Variants in KCNH5 observed in about 807,000 individuals in gnomAD.
The protein encoded by KCNH5 is potassium voltage-gated channel subfamily H member 5, also known as voltage-gated delayed rectifier potassium channel KCNH5.
In KCNH5, 46 loss-of-function variants were observed where a neutral mutation model predicts 96.1. The observed-to-expected ratio is 0.48, with a 90% CI of 0.38 to 0.61. KCNH5 has a LOEUF of 0.61. KCNH5 is among the 20% of genes least tolerant of loss of function. The probability of loss-of-function intolerance (pLI) is 0.00; values close to 1 mark genes in which losing one functional copy is unlikely to be tolerated. For missense variants in KCNH5, 907 were observed against 1,225.8 expected, an observed-to-expected ratio of 0.74 and a Z score of 3.88; for synonymous variants, 439 against 449.8, an observed-to-expected ratio of 0.98 and a Z score of 0.30.
chr14:62,851,851 C>T (rs1257616980), intron 7 of KCNH5, among the ~76,000 whole-genome samples: 1 of 152,078 alleles, frequency 6.6e-6, no homozygotes, highest in Non-Finnish European at 1.5e-5. Context: ...TGTCTTATTA[C>T]TGCCTTCTAG....
intron 9 of KCNH5, among the ~76,000 whole-genome samples, chr14:62,799,210 A>G (rs1179392875): frequency 1.3e-5 from 2 of 152,192 alleles, no homozygotes; most frequent in East Asian, 3.9e-4. Context: ...GCAAGGAGAC[A>G]TAGATAAAAC....
intron 10 of KCNH5, among the ~76,000 whole-genome samples, chr14:62,708,876 T>C (rs1012701359): frequency 6.6e-6 from 1 of 152,218 alleles, no homozygotes; most frequent in Non-Finnish European, 1.5e-5. Context: ...ATCCCTTAAA[T>C]TTCTCTGTAA....
intron 7 of KCNH5, among the ~76,000 whole-genome samples, chr14:62,945,310 A>G (rs1889865678): frequency 6.6e-6 from 1 of 152,140 alleles, no homozygotes; most frequent in Admixed American, 6.6e-5. Flanking sequence ...CCCCAAAGGA[A>G]GACAATGCAG....
At position 62,906,322 on chromosome 14, in the gene KCNH5, G is replaced by A. The variant is rs189824360; in HGVS notation, c.1369+43811C>T. On this transcript the variant is annotated intron_variant, in intron 7 of 10. Transcript: ENST00000322893. ...ACACAGACAGACACGCACATACTTG[G>A]TGCTGTGAGAATATAGAAAAGGTTG... Among the ~76,000 whole-genome samples the A allele has an allele frequency of 1.3e-3, 204 of 152,244 alleles. 1 individual carries two copies. The highest frequency in any genetic ancestry group is 8.1e-3 in the East Asian group (42 of 5,160).
At chr14:62,929,915 T>C (rs1393087602) in intron 7 of KCNH5, among the ~76,000 whole-genome samples, 1 of 152,064 alleles carries the variant, frequency 6.6e-6, no homozygotes, top group Non-Finnish European at 1.5e-5. Context: ...GTAATTCACT[T>C]AGGATCACAG....
At chr14:62,847,726 C>T (rs530755642) in intron 8 of KCNH5, among the ~76,000 whole-genome samples, 1 of 152,226 alleles carries the variant, frequency 6.6e-6, no homozygotes, top group Non-Finnish European at 1.5e-5. Flanking sequence ...ATTAGTCTCC[C>T]CATATTCGTT....
intron 7 of KCNH5, among the ~76,000 whole-genome samples, chr14:62,915,054 T>C (rs1156479204): frequency 6.6e-6 from 1 of 152,232 alleles, no homozygotes; most frequent in Non-Finnish European, 1.5e-5. Context: ...ATCAGACCAA[T>C]GCACCACAGG....
At chr14:62,734,135 G>A (rs1035324272) in intron 10 of KCNH5, among the ~76,000 whole-genome samples, 2 of 152,050 alleles carry the variant, frequency 1.3e-5, no homozygotes, top group Non-Finnish European at 2.9e-5. Flanking sequence ...TCAATCTGAA[G>A]TCTAAGCTAT....
At chr14:62,851,490 G>A (rs8020359) in intron 7 of KCNH5, among the ~76,000 whole-genome samples, 1 of 134,628 alleles carries the variant, frequency 7.4e-6, no homozygotes, top group African/African-American at 2.6e-5. Flanking sequence ...AGATATAGAG[G>A]TCTTTCCTAA....
chr14:62,994,441 A>G (rs1890869815), intron 4 of KCNH5, among the ~76,000 whole-genome samples: 1 of 152,084 alleles, frequency 6.6e-6, no homozygotes, highest in African/African-American at 2.4e-5. Context: ...GATAACTGAC[A>G]GAATGGATTT....
chr14:62,859,685 G>A (rs1397095868), intron 7 of KCNH5, among the ~76,000 whole-genome samples: 1 of 152,208 alleles, frequency 6.6e-6, no homozygotes, highest in African/African-American at 2.4e-5. Context: ...TCCATGCAAA[G>A]TGCATAACCA....
intron 7 of KCNH5, among the ~76,000 whole-genome samples, chr14:62,906,526 C>T (rs1219172358): frequency 6.6e-6 from 1 of 152,100 alleles, no homozygotes; most frequent in Non-Finnish European, 1.5e-5. Context: ...TGAGAATAAT[C>T]TATCTTCCTT....
intron 10 of KCNH5, among the ~76,000 whole-genome samples, chr14:62,754,462 A>T (rs1291670569): frequency 6.6e-6 from 1 of 151,982 alleles, no homozygotes; most frequent in African/African-American, 2.4e-5. Context: ...TGAAGGGATG[A>T]TTAAAAAAAA....
At chr14:62,970,044 TAAAAAAAAAAA>T (rs373852520) in intron 6 of KCNH5, among the ~76,000 whole-genome samples, 2 of 30,406 alleles carry the variant, frequency 6.6e-5, no homozygotes, top group African/African-American at 1.2e-4. Flanking sequence ...AGACTCCGTC[TAAAAAAAAAAA>T]AAAAAAAAAA....
chr14:62,888,986 T>C (rs995959529), intron 7 of KCNH5, among the ~76,000 whole-genome samples: 2 of 152,198 alleles, frequency 1.3e-5, no homozygotes, highest in African/African-American at 2.4e-5. Context: ...GTCAAATTTA[T>C]CCTTAAGTGC....
intron 10 of KCNH5, among the ~76,000 whole-genome samples, chr14:62,712,959 G>C (rs369476157): frequency 5.9e-5 from 9 of 152,088 alleles, no homozygotes; most frequent in Admixed American, 2.0e-4. Flanking sequence ...TACCTTTATG[G>C]AAGGCAGGGA....
chr14:62,942,871 T>A (rs1028505582), intron 7 of KCNH5, among the ~76,000 whole-genome samples: 1 of 152,218 alleles, frequency 6.6e-6, no homozygotes, highest in Non-Finnish European at 1.5e-5. Context: ...AAGACTCAGT[T>A]TGCATTGCAT....
At chr14:63,031,703 C>T (rs1300265008) in intron 1 of KCNH5, among the ~76,000 whole-genome samples, 2 of 152,062 alleles carry the variant, frequency 1.3e-5, no homozygotes, top group Admixed American at 6.6e-5. Context: ...TAATATTGTA[C>T]TTACTAATAT....
chr14:62,812,272 G>A (rs997769964), intron 8 of KCNH5, among the ~76,000 whole-genome samples: 25 of 151,948 alleles, frequency 1.6e-4, no homozygotes, highest in Non-Finnish European at 2.9e-4. Context: ...TAAATGCCCC[G>A]CCACTGCCAT....
Sources: gnomAD v4.1 joint callset for allele counts (sites outside exome capture counted in the v4.1 genomes callset) on GRCh38, gnomAD v4.1.1 for gene constraint, MANE v1.5 for transcripts, NCBI Gene and HGNC (gene_info 2026-07-23, HGNC 2026-07-21) for gene names.